The following NT5DC1 variants were observed in gnomAD, a reference collection of about 807,000 sequenced individuals.
The protein encoded by NT5DC1 is 5'-nucleotidase domain-containing protein 1.
In NT5DC1, 42 loss-of-function variants were observed where a neutral mutation model predicts 59.4. The ratio of observed to expected loss-of-function variants is 0.71; its 90% CI spans 0.55 to 0.92. NT5DC1 has a LOEUF of 0.92. NT5DC1 is among the 40% of genes least tolerant of loss of function. The pLI is 0.00. For synonymous variants in NT5DC1, 172 were observed against 188.1 expected (o/e 0.91, Z 0.70); for missense variants, 501 against 537.1 (o/e 0.93, Z 0.66).
intron 8 of NT5DC1, among the ~76,000 whole-genome samples, chr6:116,230,450 T>C (rs1781997159): frequency 6.6e-6 from 1 of 152,226 alleles, no homozygotes; most frequent in Admixed American, 6.5e-5. Context: ...CGCTATTCTG[T>C]CAACATCAGT....
chr6:116,191,121 A>G (rs954510429), intron 6 of NT5DC1, among the ~76,000 whole-genome samples: 2 of 151,724 alleles, frequency 1.3e-5, no homozygotes, highest in Non-Finnish European at 2.9e-5. Context: ...GTGGAAACCA[A>G]TTTTTTTAAT....
chr6:116,228,648 A>G (rs906648854), intron 8 of NT5DC1, among the ~76,000 whole-genome samples: 3 of 152,242 alleles, frequency 2.0e-5, no homozygotes, highest in African/African-American at 7.2e-5. Flanking sequence ...GAATTAAACC[A>G]AAATACTTTT....
In NT5DC1 at chr6:116,120,109, G is replaced by A. The variant is rs747366945; in HGVS notation, c.529+2164G>A. On this transcript the variant is annotated intron_variant, in intron 6 of 11. Transcript: ENST00000319550. Reference sequence around the variant, plus strand: ...CCACTAGGAATCCTGAGAAAGAGGAGTGGACATACTCAGAGGAGTATAGGC... The same window carrying A: ...CCACTAGGAATCCTGAGAAAGAGGAATGGACATACTCAGAGGAGTATAGGC... 10 of 1,614,024 alleles carry A rather than the reference G, an allele frequency of 6.2e-6. No individual in the cohort carries two copies. Among genetic ancestry groups the A allele is most frequent in the Non-Finnish European group, 6.8e-6 (8 of 1,180,018 alleles).
chr6:116,135,872 T>TATATACACAC (rs368675402), intron 6 of NT5DC1, among the ~76,000 whole-genome samples: 5 of 121,308 alleles, frequency 4.1e-5, no homozygotes, highest in African/African-American at 1.8e-4. Context: ...TATATATATA[T>TATATACACAC]ACACACATAC....
chr6:116,238,816 CA>C, intron 10 of NT5DC1, 138 bp from the exon 11 acceptor site: 1 of 575,008 alleles, frequency 1.7e-6, no homozygotes, highest in Non-Finnish European at 3.1e-6. Flanking sequence ...ATTCCTGTTC[CA>C]AAAATTTAAT....
In NT5DC1 at chr6:116,121,133, G is replaced by C. The variant is rs772717193; in HGVS notation, c.529+3188G>C. ...CAGACCTGGCTTCCCAGGAAGACCT[G>C]CTGGCCCTTGTTCCCCTTTGGCACC... On this transcript the variant is annotated intron_variant, in intron 6 of 11. Coordinates refer to ENST00000319550, the MANE Select transcript of NT5DC1 (RefSeq NM_152729.3). 2 of 1,613,516 alleles carry C rather than the reference G, an allele frequency of 1.2e-6. No individual in the cohort carries two copies. The highest frequency in any genetic ancestry group is 1.7e-6 in the Non-Finnish European group (2 of 1,179,718).
intron 6 of NT5DC1, among the ~76,000 whole-genome samples, chr6:116,193,586 A>G (rs1284044902): frequency 6.6e-6 from 1 of 152,110 alleles, no homozygotes; most frequent in East Asian, 1.9e-4. Context: ...ACTGAAAGTC[A>G]CTAATATACA....
At chr6:116,133,869 T>C (rs551333573) in intron 6 of NT5DC1, among the ~76,000 whole-genome samples, 52 of 152,340 alleles carry the variant, frequency 3.4e-4, no homozygotes, top group Non-Finnish European at 6.8e-4. Flanking sequence ...GGGAAAAATG[T>C]AACAAATAGA....
intron 6 of NT5DC1, among the ~76,000 whole-genome samples, chr6:116,157,730 T>C (rs1255793212): frequency 6.6e-6 from 1 of 152,116 alleles, no homozygotes; most frequent in Non-Finnish European, 1.5e-5. Context: ...GTTGAAATGG[T>C]GAGAGTGGGT....
chr6:116,221,019 A>G lies in NT5DC1; in HGVS notation c.530-35A>G, dbSNP rs753370863. ...AATATATTTAGTCAAAAAATGTTTA[A>G]AAAGAAAAACCTCATTGATATTTTT... On this transcript the variant is annotated intron_variant, in intron 6 of 11. Transcript: ENST00000319550. 9.4e-6 allele frequency: 10 copies of G among 1,065,218 alleles called. No homozygotes were observed. The African/African-American group carries it at 1.6e-4, about 17-fold the overall frequency. The allele number at this position is 1,065,218 out of a possible 1,614,324, so 66.0% of individuals were successfully genotyped here.
At chr6:116,154,403 T>C (rs1780128656) in intron 6 of NT5DC1, among the ~76,000 whole-genome samples, 1 of 152,274 alleles carries the variant, frequency 6.6e-6, no homozygotes, top group Non-Finnish European at 1.5e-5. Context: ...TTGTTATTAC[T>C]TGTTTTCTTA....
At chr6:116,186,447 C>T (rs931077724) in intron 6 of NT5DC1, among the ~76,000 whole-genome samples, 3 of 151,866 alleles carry the variant, frequency 2.0e-5, no homozygotes, top group Admixed American at 2.0e-4. Context: ...GGGAAGTTGT[C>T]CTCGATTATT....
intron 6 of NT5DC1, among the ~76,000 whole-genome samples, chr6:116,147,093 C>A (rs1385395145): frequency 6.6e-6 from 1 of 151,018 alleles, no homozygotes; most frequent in Non-Finnish European, 1.5e-5. Context: ...ATGAATCTGA[C>A]AATATTAAAA....
At chr6:116,131,495 C>A (rs9488845) in intron 6 of NT5DC1, among the ~76,000 whole-genome samples, 74,779 of 151,936 alleles carry the variant, frequency 0.49, 19,102 homozygotes, top group African/African-American at 0.63. Flanking sequence ...ACCTGAACTG[C>A]AGCTTTATTA....
rs1317702908 is a variant in NT5DC1 at position 116,248,237 on chromosome 6, CCT to C, written c.*4216_*4217del. 6.6e-6 allele frequency: 1 copy of C among 152,156 alleles called. No homozygotes were observed. Among genetic ancestry groups the C allele is most frequent in the Non-Finnish European group, 1.5e-5 (1 of 68,028 alleles). 9.4% of individuals were successfully genotyped at this position (152,156 alleles called of 1,614,324 possible). On this transcript the variant is annotated 3_prime_UTR_variant, in exon 12 of 12. Transcript: ENST00000319550. ...ATCTTAGGCAGTTCTACTTTCTGGA[CCT>C]CTGTTTTCTCAACTATTTAAATGGA... is the stretch of plus-strand genomic sequence containing the variant.
At chr6:116,137,420 C>A in intron 6 of NT5DC1, 1 of 157,728 alleles carries the variant, frequency 6.3e-6, no homozygotes. Flanking sequence ...GTGCCAGCTT[C>A]AGAATCTTCT....
intron 11 of NT5DC1, among the ~76,000 whole-genome samples, chr6:116,243,419 AC>A (rs1771775414): frequency 6.6e-6 from 1 of 151,912 alleles, no homozygotes; most frequent in Admixed American, 6.5e-5. Context: ...ATGTGATTTG[AC>A]TTAAACATTA....
chr6:116,120,136 A>G (rs1779064993), intron 6 of NT5DC1: 2 of 1,614,142 alleles, frequency 1.2e-6, no homozygotes, highest in Non-Finnish European at 1.7e-6. Flanking sequence ...AGTATAGGCC[A>G]TTTGACTCGG....
intron 8 of NT5DC1, among the ~76,000 whole-genome samples, chr6:116,236,615 A>C (rs1418429531): frequency 6.6e-6 from 1 of 152,260 alleles, no homozygotes. Context: ...AATGACTTTC[A>C]TTGTGTTATT....
Sources: allele counts gnomAD v4.1 joint callset (sites outside exome capture counted in the v4.1 genomes callset), GRCh38; gene constraint gnomAD v4.1.1; transcripts MANE v1.5; gene names NCBI Gene and HGNC (gene_info 2026-07-23, HGNC 2026-07-21).